The following DOP1A variants were observed in gnomAD, a reference collection of about 807,000 sequenced individuals.
DOP1A encodes DOP1 leucine zipper like protein A.
Under a neutral mutation model 267.6 loss-of-function variants are expected in DOP1A, and 90 were observed. The observed-to-expected ratio is 0.34, with a 90% CI of 0.28 to 0.40. The LOEUF (loss-of-function observed/expected upper bound fraction) is 0.40. Ranked by LOEUF, DOP1A falls within the 10% of genes least tolerant of loss-of-function variation. The pLI is 1.00. For synonymous variants in DOP1A, 932 were observed against 999.1 expected (o/e 0.93, Z 1.27); for missense variants, 2,437 against 2,900.4 (o/e 0.84, Z 3.67).
At chr6:83,124,083 G>A (rs1776752932) in intron 12 of DOP1A, among the ~76,000 whole-genome samples, 1 of 151,926 alleles carries the variant, frequency 6.6e-6, no homozygotes, top group Non-Finnish European at 1.5e-5. Context: ...CTGTCACATT[G>A]TTGCTTTTAT....
intron 1 of DOP1A, among the ~76,000 whole-genome samples, chr6:83,082,196 A>G (rs9444032): frequency 0.028 from 4,329 of 152,314 alleles, 151 homozygotes; most frequent in East Asian, 0.084. Context: ...AAATGAAATC[A>G]GTATGTCAAA....
At chr6:83,120,384 G>C (rs895368954) in intron 9 of DOP1A, among the ~76,000 whole-genome samples, 7 of 151,934 alleles carry the variant, frequency 4.6e-5, no homozygotes, top group Admixed American at 4.6e-4. Context: ...TGAGAAGAAT[G>C]ATCTTAAATA....
chr6:83,096,582 A>G (rs191004148), intron 1 of DOP1A, 149 bp from the exon 2 acceptor site: 1 of 390,614 alleles, frequency 2.6e-6, no homozygotes, highest in East Asian at 3.6e-5. Flanking sequence ...TTTTAGGATC[A>G]AAACAAAGTA....
intron 10 of DOP1A, 68 bp downstream of exon 10, chr6:83,120,859 A>T (rs1395441601): frequency 1.7e-6 from 2 of 1,195,658 alleles, no homozygotes; most frequent in Admixed American, 2.3e-5. Flanking sequence ...AAATAAAAAG[A>T]GTCATCAGGG....
rs111376244 is a variant in DOP1A, at chr6:83,082,568, G to A, written c.-146-14163G>A. Among the ~76,000 whole-genome samples, 1,207 of 152,240 alleles carry A rather than the reference G, an allele frequency of 7.9e-3. 17 individuals carry two copies. The highest frequency in any genetic ancestry group is 0.027 in the African/African-American group (1,139 of 41,532). On this transcript the variant is annotated intron_variant, in intron 1 of 38. Transcript: ENST00000349129. The stretch of plus-strand genomic sequence containing the variant: ...GTCAAAGGATATATAGTTAGGAGGA[G>A]TAAGTTCAAGGAATCTGTTGTACAG...
chr6:83,130,109 A>G lies in DOP1A; in HGVS notation c.2342-14A>G, dbSNP rs1777793468. 6 of 1,610,526 alleles carry G rather than the reference A, an allele frequency of 3.7e-6. No homozygotes were observed. Among genetic ancestry groups the G allele is most frequent in the Non-Finnish European group, 5.1e-6 (6 of 1,178,162 alleles). ...AGTATAATGAACTCTGATTGCTACC[A>G]TCTTTTGTTTCAGACTGTGAGCATG... On this transcript the variant is annotated splice_polypyrimidine_tract_variant and intron_variant, in intron 16 of 38. Coordinates refer to ENST00000349129, the MANE Select transcript of DOP1A (RefSeq NM_015018.4).
chr6:83,110,169 C>A lies in DOP1A; in HGVS notation c.536C>A (p.Ser179Ter). 6.2e-7 allele frequency: 1 copy of A among 1,612,242 alleles called. No homozygotes were observed. The highest frequency in any genetic ancestry group is 1.1e-5 in the South Asian group (1 of 90,574). ...LEKVAAAVDQ[S>*]AFYSALWGSL... is the part of the protein sequence containing the mutation. ...AAGGTTGCTGCTGCTGTGGACCAGT[C>A]AGCATTCTACAGTGCCCTGTGGGGT... Residue 179 changes from serine to a stop codon, truncating the protein, a stop_gained, in exon 6 of 39, where the codon TCA becomes TAA. Coordinates refer to ENST00000349129, the MANE Select transcript of DOP1A (RefSeq NM_015018.4). LOFTEE classifies it high-confidence loss of function.
intron 34 of DOP1A, among the ~76,000 whole-genome samples, chr6:83,156,513 T>C (rs1031246788): frequency 3.9e-5 from 6 of 152,190 alleles, no homozygotes; most frequent in African/African-American, 1.4e-4. Context: ...GGGGACTGCA[T>C]GGGGGATTAT....
At chr6:83,108,720 A>T (rs914894511) in intron 4 of DOP1A, among the ~76,000 whole-genome samples, 190 bp from the exon 5 acceptor site, 1 of 152,226 alleles carries the variant, frequency 6.6e-6, no homozygotes, top group African/African-American at 2.4e-5. Flanking sequence ...TATTGGGTTT[A>T]TAAGTATAAA....
Position 83,147,868 on chromosome 6 carries a change from T to C in DOP1A, c.5732+577T>C, listed in dbSNP as rs527437491. Among the ~76,000 whole-genome samples the C allele has an allele frequency of 2.0e-4, 31 of 152,302 alleles. No homozygotes were observed. The South Asian group carries it at 6.4e-3, about 32-fold the overall frequency. ...CTTATATACAGAGAGGTGTTAGGGT[T>C]AAGGTCAGACTGAAACAAAGATAGT... On this transcript the variant is annotated intron_variant, in intron 26 of 38. Transcript: ENST00000349129.
At chr6:83,093,876 A>C (rs1770956974) in intron 1 of DOP1A, among the ~76,000 whole-genome samples, 2 of 152,228 alleles carry the variant, frequency 1.3e-5, no homozygotes, top group African/African-American at 2.4e-5. Context: ...ACTGCACTCC[A>C]GCACTCCAAC....
intron 19 of DOP1A, chr6:83,134,578 G>C: frequency 4.0e-6 from 1 of 247,260 alleles, no homozygotes; most frequent in Non-Finnish European, 7.6e-6. Context: ...CAGCTCTCTT[G>C]AGACTATATT....
In DOP1A at chr6:83,135,663, C is replaced by G. The variant is rs763407777; in HGVS notation, c.2915C>G (p.Ser972Cys). 8.1e-6 allele frequency: 13 copies of G among 1,613,454 alleles called. No homozygotes were observed. Among genetic ancestry groups the G allele is most frequent in the Non-Finnish European group, 1.1e-5 (13 of 1,179,658 alleles). The change falls in exon 20 of 39, where the codon TCT becomes TGT. Residue 972 changes from serine (S) to cysteine (C), a missense_variant. This residue lies in a region of DOP1A where 878 missense variants were observed against 992.9 expected (regional missense o/e 0.88). Coordinates refer to ENST00000349129, the MANE Select transcript of DOP1A (RefSeq NM_015018.4). ...MLDSLNSLDG[S>C]TSSVGQAWLN... ...GATAGCCTTAACAGTCTCGATGGTT[C>G]TACTAGCTCTGTGGGACAAGCCTGG...
chr6:83,152,080 T>C (rs1442429357), intron 29 of DOP1A, 53 bp downstream of exon 29: 1 of 1,598,240 alleles, frequency 6.3e-7, no homozygotes, highest in Non-Finnish European at 8.6e-7. Flanking sequence ...ATATATTTAC[T>C]AAGAAATCAT....
At chr6:83,100,615 A>G in intron 3 of DOP1A, 90 bp from the exon 4 acceptor site, 1 of 938,458 alleles carries the variant, frequency 1.1e-6, no homozygotes, top group Non-Finnish European at 1.5e-6. Context: ...ACCTACAATG[A>G]TCATTTTTTA....
At chr6:83,103,520 C>T (rs1295453284) in intron 4 of DOP1A, among the ~76,000 whole-genome samples, 1 of 152,172 alleles carries the variant, frequency 6.6e-6, no homozygotes, top group African/African-American at 2.4e-5. Flanking sequence ...TGCCTTTCAC[C>T]AATTTTGGAA....
chr6:83,109,688 C>A (rs115154157), intron 5 of DOP1A, among the ~76,000 whole-genome samples: 1 of 151,998 alleles, frequency 6.6e-6, no homozygotes, highest in Non-Finnish European at 1.5e-5. Context: ...TTATTATTTT[C>A]GGGGAGTTAA....
chr6:83,111,633 T>C (rs1006918462), intron 6 of DOP1A, among the ~76,000 whole-genome samples: 4 of 152,102 alleles, frequency 2.6e-5, no homozygotes, highest in Admixed American at 2.0e-4. Flanking sequence ...ACGATGAACA[T>C]CTTGTGGTTG....
Position 83,135,828 on chromosome 6 carries a change from C to G in DOP1A, c.3080C>G (p.Pro1027Arg), listed in dbSNP as rs375477386. Residue 1027 changes from proline to arginine, a missense_variant, in exon 20 of 39, where the codon CCA becomes CGA. Around this residue, in one of 9 missense-constraint regions of DOP1A, gnomAD observed 878 missense variants for 992.9 expected, o/e 0.88. Transcript: ENST00000349129. ...TATTGGAATAAGTCTCCCTGTTATC[C>G]AGGAGAGGAGAGTGACAAGCATTTC... ...ERYWNKSPCY[P>R]GEESDKHFMQ... 1.1e-5 allele frequency: 17 copies of G among 1,613,440 alleles called. No individual in the cohort carries two copies. Among genetic ancestry groups the G allele is most frequent in the Admixed American group, 1.0e-4 (6 of 59,962 alleles).
Sources: gnomAD v4.1 joint callset for allele counts (sites outside exome capture counted in the v4.1 genomes callset) on GRCh38, gnomAD v4.1.1 for gene constraint, gnomAD v4.1.1 regional missense constraint, MANE v1.5 for transcripts, NCBI Gene and HGNC (gene_info 2026-07-23, HGNC 2026-07-21) for gene names.